PDE6C: variants seen among roughly 807,000 people sequenced by gnomAD.
PDE6C encodes phosphodiesterase 6C, also known as cone cGMP-specific 3',5'-cyclic phosphodiesterase subunit alpha'.
Under a neutral mutation model 113.1 loss-of-function variants are expected in PDE6C, and 75 were observed. That is an observed-to-expected ratio of 0.66 (90% CI 0.55 to 0.80). PDE6C has a LOEUF of 0.80. Among genes scored for constraint, PDE6C ranks in the 30% least tolerant of loss-of-function variants. The pLI is 0.00. For synonymous variants in PDE6C, 375 were observed against 363.7 expected (o/e 1.03, Z -0.35); for missense variants, 912 against 1,038.6 (o/e 0.88, Z 1.67).
intron 1 of PDE6C, among the ~76,000 whole-genome samples, chr10:93,615,282 C>T (rs534975996): frequency 3.9e-5 from 6 of 152,286 alleles, no homozygotes; most frequent in African/African-American, 1.2e-4. Context: ...CAGAATGAAA[C>T]CCTGTCTCAA....
At chr10:93,631,064 C>T (rs1243537911) in intron 8 of PDE6C, among the ~76,000 whole-genome samples, 2 of 152,210 alleles carry the variant, frequency 1.3e-5, no homozygotes, top group African/African-American at 4.8e-5. Flanking sequence ...GCAGGCTGCT[C>T]TGAAATGTGA....
Position 93,659,293 on chromosome 10 carries a change from T to A in PDE6C, c.2208+126T>A. On this transcript the variant is annotated intron_variant, in intron 18 of 21. Transcript: ENST00000371447. ...AAAATTACAAATATTAGTGAGACAG[T>A]AGGCAATTTGATTAGGCCCTAGAAT... 4.3e-6 allele frequency: 3 copies of A among 699,834 alleles called. No homozygotes were observed. The South Asian group carries it at 5.0e-5, about 12-fold the overall frequency. 43.4% of individuals were successfully genotyped at this position (699,834 alleles called of 1,614,324 possible).
At chr10:93,618,001 G>T (rs142189788) in intron 1 of PDE6C, among the ~76,000 whole-genome samples, 206 of 152,142 alleles carry the variant, frequency 1.4e-3, no homozygotes, top group African/African-American at 4.7e-3. Flanking sequence ...AGATGCTATG[G>T]GGAACCAGAG....
intron 16 of PDE6C, 80 bp downstream of exon 16, chr10:93,655,940 G>A (rs1178277481): frequency 8.6e-6 from 7 of 811,852 alleles, no homozygotes; most frequent in Non-Finnish European, 1.3e-5. Flanking sequence ...TTGCATTAAT[G>A]TTAAAAGGCA....
intron 5 of PDE6C, among the ~76,000 whole-genome samples, chr10:93,625,962 G>A (rs1479331776): frequency 6.6e-6 from 1 of 152,172 alleles, no homozygotes; most frequent in African/African-American, 2.4e-5. Flanking sequence ...CCCTTCTTCA[G>A]ATATGTGGGA....
At chr10:93,624,763 AGGG>A in intron 4 of PDE6C, among the ~76,000 whole-genome samples, 1 of 152,294 alleles carries the variant, frequency 6.6e-6, no homozygotes, top group East Asian at 1.9e-4. Flanking sequence ...TTAACAAGGT[AGGG>A]CAGCGCTAGT....
At position 93,626,829 on chromosome 10, in the gene PDE6C, A is replaced by G; in HGVS notation, c.1029A>G (p.Thr343=). The G allele has an allele frequency of 1.2e-6, 2 of 1,613,968 alleles. No homozygotes were observed. The highest frequency in any genetic ancestry group is 1.7e-6 in the Non-Finnish European group (2 of 1,179,958). The change falls in exon 7 of 22, where the codon ACA becomes ACG. Residue 343 remains threonine (T), a synonymous_variant. Coordinates refer to ENST00000371447, the MANE Select transcript of PDE6C (RefSeq NM_006204.4). ...VIPTPPADHW[T]LISGLPTYVA... ...GGACGCCTCCTGCAGACCACTGGAC[A>G]CTCATTAGTGGGTTGCCAACATATG...
At chr10:93,659,754 T>C (rs930327240) in intron 18 of PDE6C, among the ~76,000 whole-genome samples, 2 of 152,230 alleles carry the variant, frequency 1.3e-5, no homozygotes, top group African/African-American at 4.8e-5. Context: ...TTGGGAATTA[T>C]GGGAACTACA....
chr10:93,664,043 C>T (rs184916452), intron 21 of PDE6C, among the ~76,000 whole-genome samples: 1 of 152,216 alleles, frequency 6.6e-6, no homozygotes, highest in Admixed American at 6.5e-5. Flanking sequence ...TTAAGGATGT[C>T]CTTCAGAATA....
At chr10:93,627,033 C>A (rs1372723494) in intron 7 of PDE6C, among the ~76,000 whole-genome samples, 162 bp downstream of exon 7, 1 of 152,016 alleles carries the variant, frequency 6.6e-6, no homozygotes, top group Non-Finnish European at 1.5e-5. Flanking sequence ...GAGGCTGAGG[C>A]GGGCGAATCA....
intron 1 of PDE6C, among the ~76,000 whole-genome samples, chr10:93,616,768 C>G (rs1483826412): frequency 6.6e-6 from 1 of 151,784 alleles, no homozygotes; most frequent in Non-Finnish European, 1.5e-5. Context: ...ATTCTCCTGC[C>G]TCAGCCTCCC....
chr10:93,621,089 G>A, intron 3 of PDE6C, 109 bp downstream of exon 3: 2 of 865,048 alleles, frequency 2.3e-6, no homozygotes, highest in Non-Finnish European at 2.0e-6. Context: ...TAAGCCACGT[G>A]GAACAGATCC....
At chr10:93,622,639 G>GTTT (rs67350128) in intron 4 of PDE6C, among the ~76,000 whole-genome samples, 17 of 113,988 alleles carry the variant, frequency 1.5e-4, no homozygotes, top group African/African-American at 5.2e-4. Context: ...GTAGCCACAG[G>GTTT]TTTTTTTTTT....
chr10:93,614,501 A>C (rs1296302144), intron 1 of PDE6C, among the ~76,000 whole-genome samples: 1 of 152,140 alleles, frequency 6.6e-6, no homozygotes, highest in Non-Finnish European at 1.5e-5. Context: ...CTTAGGGCAA[A>C]GTTCTCTAGA....
chr10:93,646,148 TTGATAG>T, intron 15 of PDE6C, 101 bp downstream of exon 15: 1 of 741,936 alleles, frequency 1.3e-6, no homozygotes. Flanking sequence ...GTTACAGCAG[TTGATAG>T]TGTATACCCT....
intron 3 of PDE6C, among the ~76,000 whole-genome samples, chr10:93,621,695 A>G (rs2058447252): frequency 6.6e-6 from 1 of 152,172 alleles, no homozygotes; most frequent in African/African-American, 2.4e-5. Context: ...TAGACACAGG[A>G]ACCAATCATA....
chr10:93,642,839 A>G (rs933004614), intron 14 of PDE6C, among the ~76,000 whole-genome samples: 1 of 152,200 alleles, frequency 6.6e-6, no homozygotes, highest in Non-Finnish European at 1.5e-5. Context: ...CATCTTCAGC[A>G]ATTCTACCTA....
rs765859510 is a variant in PDE6C, at chr10:93,621,926, T to C, written c.724-6T>C. The stretch of plus-strand genomic sequence containing the variant: ...TAACTGTTTTCTTTTTGATACCTAC[T>C]TTCAGATCCTTATGTGGTCAGCCAA... On this transcript the variant is annotated splice_polypyrimidine_tract_variant and splice_region_variant and intron_variant, in intron 3 of 21. Coordinates refer to ENST00000371447, the MANE Select transcript of PDE6C (RefSeq NM_006204.4). The C allele has an allele frequency of 6.2e-6, 10 of 1,613,386 alleles. No individual in the cohort carries two copies. Among genetic ancestry groups the C allele is most frequent in the Non-Finnish European group, 8.5e-6 (10 of 1,179,788 alleles).
In PDE6C at chr10:93,612,605, G is replaced by T; in HGVS notation, c.-121G>T. On this transcript the variant is annotated 5_prime_UTR_variant, in exon 1 of 22. The change creates a new upstream start codon in the 5' untranslated region. Coordinates refer to ENST00000371447, the MANE Select transcript of PDE6C (RefSeq NM_006204.4). ...TGCTTGACCTTTGGAAGTCCTATGA[G>T]GGACCATTTACGGTTTCCTCAGTAA... 7.3e-7 allele frequency: 1 copy of T among 1,371,754 alleles called. No homozygotes were observed. Among genetic ancestry groups the T allele is most frequent in the African/African-American group, 1.4e-5 (1 of 70,484 alleles). 85.0% of individuals were successfully genotyped at this position (1,371,754 alleles called of 1,614,324 possible). A position where few individuals can be genotyped will look rare whatever the true frequency, so the allele number is the denominator to read the frequency against.
Sources: allele counts gnomAD v4.1 joint callset (sites outside exome capture counted in the v4.1 genomes callset), GRCh38; gene constraint gnomAD v4.1.1; transcripts MANE v1.5; gene names NCBI Gene and HGNC (gene_info 2026-07-23, HGNC 2026-07-21).